The following FRMD4B variants were observed in gnomAD, a reference collection of about 807,000 sequenced individuals.
FRMD4B encodes the protein FERM domain-containing protein 4B.
In FRMD4B, 74 loss-of-function variants were observed where a neutral mutation model predicts 141.5. The ratio of observed to expected loss-of-function variants is 0.52; its 90% CI spans 0.43 to 0.63. FRMD4B has a LOEUF of 0.63. Ranked by LOEUF, FRMD4B falls within the 30% of genes least tolerant of loss-of-function variation. The pLI is 0.00. For missense variants in FRMD4B, 1,366 were observed against 1,253.4 expected (o/e 1.09, Z -1.36); for synonymous variants, 506 against 467.9 (o/e 1.08, Z -1.05).
intron 1 of FRMD4B, among the ~76,000 whole-genome samples, chr3:69,481,448 T>C (rs1437175635): frequency 2.0e-5 from 3 of 152,202 alleles, no homozygotes; most frequent in African/African-American, 7.2e-5. Context: ...ATCAGGACTT[T>C]TTTGGTTATA....
At chr3:69,509,254 G>A (rs963092015) in intron 1 of FRMD4B, among the ~76,000 whole-genome samples, 8 of 152,174 alleles carry the variant, frequency 5.3e-5, no homozygotes, top group Non-Finnish European at 1.5e-5. Flanking sequence ...GAACGGAAGC[G>A]ATCGCTTGCA....
At chr3:69,275,279 A>G (rs2093612559) in intron 5 of FRMD4B, among the ~76,000 whole-genome samples, 1 of 152,190 alleles carries the variant, frequency 6.6e-6, no homozygotes, top group Admixed American at 6.6e-5. Context: ...AACAACAGGA[A>G]AAAAAACGTC....
intron 1 of FRMD4B, among the ~76,000 whole-genome samples, chr3:69,353,092 TA>T (rs5849893): frequency 0.46 from 68,137 of 149,622 alleles, 15,543 homozygotes; most frequent in Admixed American, 0.51. Context: ...ATTTAAAATT[TA>T]AAAAAAAAAA....
At chr3:69,514,685 C>CA (rs770437453) in intron 1 of FRMD4B, among the ~76,000 whole-genome samples, 431 of 102,028 alleles carry the variant, frequency 4.2e-3, no homozygotes, top group Non-Finnish European at 6.7e-3. Flanking sequence ...AAGACTCCAT[C>CA]TTAAATAAAT....
At chr3:69,375,292 T>TCCACC (rs1703943022) in intron 1 of FRMD4B, among the ~76,000 whole-genome samples, 1 of 148,714 alleles carries the variant, frequency 6.7e-6, no homozygotes, top group African/African-American at 2.5e-5. Context: ...CATCCATCCA[T>TCCACC]CCATCCATCC....
chr3:69,532,736 A>G (rs1055637859), intron 1 of FRMD4B, among the ~76,000 whole-genome samples: 1 of 152,220 alleles, frequency 6.6e-6, no homozygotes, highest in Non-Finnish European at 1.5e-5. Context: ...GTCACATATG[A>G]GCCTTCTGCT....
At chr3:69,470,502 T>C (rs1705869311) in intron 1 of FRMD4B, among the ~76,000 whole-genome samples, 1 of 152,174 alleles carries the variant, frequency 6.6e-6, no homozygotes, top group Admixed American at 6.5e-5. Context: ...AAGAGAAGTA[T>C]GTCCAAAGAA....
chr3:69,221,259 G>A (rs750956547), intron 9 of FRMD4B, among the ~76,000 whole-genome samples: 3 of 152,092 alleles, frequency 2.0e-5, no homozygotes, highest in Admixed American at 2.0e-4. Flanking sequence ...CACTGTGCTG[G>A]CCTGTTCTTA....
chr3:69,398,734 T>C (rs1244834941), intron 2 of FRMD4B, among the ~76,000 whole-genome samples: 1 of 152,174 alleles, frequency 6.6e-6, no homozygotes, highest in African/African-American at 2.4e-5. Flanking sequence ...GGATAAGCCA[T>C]AACTCATGGC....
rs756033549 is a variant in FRMD4B, at chr3:69,170,343, T to C, written c.*1518A>G. On this transcript the variant is annotated 3_prime_UTR_variant, in exon 23 of 23. Coordinates refer to ENST00000398540, the MANE Select transcript of FRMD4B (RefSeq NM_015123.3). ...GAAAAGTCAGAACAATAAAAGAATA[T>C]GCAAAAAGGTTATTTCTGATTCTAG... is the stretch of plus-strand genomic sequence containing the variant. 1.3e-5 allele frequency: 2 copies of C among 152,006 alleles called. No individual in the cohort carries two copies. The highest frequency in any genetic ancestry group is 1.5e-5 in the Non-Finnish European group (1 of 67,982). 9.4% of individuals were successfully genotyped at this position (152,006 alleles called of 1,614,324 possible).
intron 1 of FRMD4B, among the ~76,000 whole-genome samples, chr3:69,334,638 G>A (rs1702483936): frequency 6.6e-6 from 1 of 152,056 alleles, no homozygotes; most frequent in African/African-American, 2.4e-5. Flanking sequence ...TTCCTACTGG[G>A]TACCTTCCAC....
intron 1 of FRMD4B, among the ~76,000 whole-genome samples, chr3:69,446,429 T>C (rs929212739): frequency 6.7e-6 from 1 of 150,098 alleles, no homozygotes; most frequent in African/African-American, 2.5e-5. Flanking sequence ...GCCTCCCTGG[T>C]TCAACTGATT....
At chr3:69,428,420 G>A (rs549091028) in intron 2 of FRMD4B, among the ~76,000 whole-genome samples, 1 of 150,084 alleles carries the variant, frequency 6.7e-6, no homozygotes, top group East Asian at 2.0e-4. Context: ...AGAACTAGGA[G>A]GTACTATGAT....
chr3:69,286,476 AC>A (rs1700692991), intron 5 of FRMD4B, among the ~76,000 whole-genome samples: 2 of 151,250 alleles, frequency 1.3e-5, no homozygotes, highest in African/African-American at 2.4e-5. Context: ...AAATGTGTAT[AC>A]TATAAACCCT....
At chr3:69,376,992 G>A (rs927704852) in intron 1 of FRMD4B, 9 of 151,908 alleles carry the variant, frequency 5.9e-5, no homozygotes, top group African/African-American at 2.2e-4. Context: ...GAAGAGTCCG[G>A]AGAGTCCGTT....
rs558273198 is a variant in FRMD4B at position 69,518,973 on chromosome 3, C to T, written c.-129+23233G>A. 5.3e-5 allele frequency among the ~76,000 whole-genome samples: 8 copies of T among 152,326 alleles called. No individual in the cohort carries two copies. The South Asian group carries it at 1.7e-3, about 32-fold the overall frequency. On this transcript the variant is annotated intron_variant, in intron 1 of 5. Transcript: ENST00000459638. The stretch of plus-strand genomic sequence containing the variant: ...TCCAGGCAGCTTGTTTCTGTGTTGA[C>T]ACCTCAGATTCCCCTCTGAAGAATC...
chr3:69,536,003 C>G (rs75456586), intron 1 of FRMD4B: 4,114 of 388,794 alleles, frequency 0.011, 110 homozygotes, highest in East Asian at 0.087. Flanking sequence ...TCCTACTAAG[C>G]CCGCTGGCAC....
At chr3:69,183,627 C>T (rs1360601337) in intron 19 of FRMD4B, among the ~76,000 whole-genome samples, 1 of 151,412 alleles carries the variant, frequency 6.6e-6, no homozygotes, top group Admixed American at 6.6e-5. Context: ...GGACCACAGG[C>T]GCCCACCACC....
intron 3 of FRMD4B, among the ~76,000 whole-genome samples, chr3:69,308,651 G>T (rs1025489617): frequency 6.6e-6 from 1 of 152,064 alleles, no homozygotes; most frequent in Non-Finnish European, 1.5e-5. Context: ...TGTTGCCCAG[G>T]CTGGTCTGGA....
Sources: allele counts gnomAD v4.1 joint callset (sites outside exome capture counted in the v4.1 genomes callset), GRCh38; gene constraint gnomAD v4.1.1; transcripts MANE v1.5; gene names NCBI Gene and HGNC (gene_info 2026-07-23, HGNC 2026-07-21).